The following CCDC90B variants were observed in gnomAD, a reference collection of about 807,000 sequenced individuals.
CCDC90B encodes coiled-coil domain containing 90B.
In CCDC90B, 24 loss-of-function variants were observed where a neutral mutation model predicts 37.0. That is an observed-to-expected ratio of 0.65 (90% CI 0.47 to 0.91). CCDC90B has a LOEUF of 0.91. CCDC90B is among the 40% of genes least tolerant of loss of function. CCDC90B has a pLI of 0.00. For synonymous variants in CCDC90B, 113 were observed against 101.1 expected, an observed-to-expected ratio of 1.12 and a Z score of -0.71; for missense variants, 319 against 299.0, an observed-to-expected ratio of 1.07 and a Z score of -0.49.
In CCDC90B at chr11:83,286,170, C is replaced by G. The variant is rs1452160697; in HGVS notation, c.-198G>C. ...CACAGACAGACCCACAGTTCGCGAG[C>G]ATGGCTCAGCGCTGCCCCGCTTCTC... On this transcript the variant is annotated 5_prime_UTR_variant, in exon 1 of 9. The change abolishes an upstream ATG in the 5' untranslated region. Transcript: ENST00000529689. 6.5e-7 allele frequency: 1 copy of G among 1,536,090 alleles called. No homozygotes were observed. The highest frequency in any genetic ancestry group is 8.7e-7 in the Non-Finnish European group (1 of 1,146,862).
chr11:83,265,871 G>A lies in CCDC90B; in HGVS notation c.703C>T (p.Leu235Phe). The change falls in exon 8 of 9, where the codon CTT (leucine) becomes TTT (phenylalanine). Residue 235 changes from leucine (L) to phenylalanine (F), a missense_variant. Coordinates refer to ENST00000529689, the MANE Select transcript of CCDC90B (RefSeq NM_021825.5). ...CTTTCTCTGACAGTCTTACCTGCAA[G>A]ATAACGAATTGTCTCAAGTTTGTTA... ...ESNKLETIRY[L>F]AASVFTCLAI... The A allele has an allele frequency of 6.3e-7, 1 of 1,596,738 alleles. No homozygotes were observed. The highest frequency in any genetic ancestry group is 8.6e-7 in the Non-Finnish European group (1 of 1,167,070).
chr11:83,271,201 G>C (rs879433167), intron 7 of CCDC90B, among the ~76,000 whole-genome samples: 2 of 152,126 alleles, frequency 1.3e-5, no homozygotes, highest in African/African-American at 2.4e-5. Context: ...TTCCATTCAG[G>C]ACATAGGCAT....
Position 83,261,983 on chromosome 11 carries a change from CTG to C in CCDC90B, c.710-19_710-18del, listed in dbSNP as rs776809602. On this transcript the variant is annotated intron_variant, in intron 8 of 8. Coordinates refer to ENST00000529689, the MANE Select transcript of CCDC90B (RefSeq NM_021825.5). ...ACACCGAAGCTGTGAAAAGAAGAAA[CTG>C]TGTTATAGGTCTTGTATCTGTAATT... is the stretch of plus-strand genomic sequence containing the variant. 4 of 1,554,518 alleles carry C rather than the reference CTG, an allele frequency of 2.6e-6. No individual in the cohort carries two copies. The highest frequency in any genetic ancestry group is 3.5e-6 in the Non-Finnish European group (4 of 1,132,926).
At chr11:83,273,743 A>C in intron 6 of CCDC90B, 43 bp from the exon 7 acceptor site, 1 of 1,601,480 alleles carries the variant, frequency 6.2e-7, no homozygotes, top group Non-Finnish European at 8.5e-7. Flanking sequence ...AAAAGTCTAA[A>C]AATAAAAAAG....
chr11:83,286,141 T>C lies in CCDC90B; in HGVS notation c.-169A>G. 3 of 1,536,218 alleles carry C rather than the reference T, an allele frequency of 2.0e-6. No individual in the cohort carries two copies. The highest frequency in any genetic ancestry group is 2.6e-6 in the Non-Finnish European group (3 of 1,146,914). ...CACCGTGGTCCCACGAAACTGGGTC[T>C]CTTCACAGACAGACCCACAGTTCGC... On this transcript the variant is annotated 5_prime_UTR_variant, in exon 1 of 9. Coordinates refer to ENST00000529689, the MANE Select transcript of CCDC90B (RefSeq NM_021825.5).
At chr11:83,278,862 T>A (rs1259472679) in intron 2 of CCDC90B, 33 bp from the exon 3 acceptor site, 2 of 1,252,578 alleles carry the variant, frequency 1.6e-6, no homozygotes, top group Non-Finnish European at 1.2e-6. Context: ...TTATTTTTTT[T>A]AAAGTGTATA....
At chr11:83,276,719 A>C (rs1271648409) in intron 3 of CCDC90B, among the ~76,000 whole-genome samples, 1 of 152,130 alleles carries the variant, frequency 6.6e-6, no homozygotes, top group Non-Finnish European at 1.5e-5. Context: ...AGCCTACAAA[A>C]CTGCACAGGT....
At position 83,274,638 on chromosome 11, in the gene CCDC90B, C is replaced by T; in HGVS notation, c.426+1G>A. On this transcript the variant is annotated splice_donor_variant, in intron 4 of 8. Transcript: ENST00000529689. LOFTEE classifies it high-confidence loss of function. ...AAGTAATAAATTAAAATTTGTATCA[C>T]CTCATTCTCTGCTCTCAGATTTGCA... The T allele has an allele frequency of 6.3e-7, 1 of 1,579,966 alleles. No individual in the cohort carries two copies. The highest frequency in any genetic ancestry group is 8.7e-7 in the Non-Finnish European group (1 of 1,155,158).
chr11:83,286,094 G>T lies in CCDC90B; in HGVS notation c.-122C>A, dbSNP rs761021897. On this transcript the variant is annotated 5_prime_UTR_variant, in exon 1 of 9. Coordinates refer to ENST00000529689, the MANE Select transcript of CCDC90B (RefSeq NM_021825.5). ...AATTGTAGTTTTCGCTCTGTCACAA[G>T]CTCACCTCCCAGCGCAGGCGCCACC... 1 of 1,537,282 alleles carries T rather than the reference G, an allele frequency of 6.5e-7. No homozygotes were observed.
At chr11:83,268,828 C>T (rs1758389497) in intron 7 of CCDC90B, among the ~76,000 whole-genome samples, 1 of 152,212 alleles carries the variant, frequency 6.6e-6, no homozygotes, top group Admixed American at 6.5e-5. Flanking sequence ...CCACATCACA[C>T]TTATTCTAAA....
In CCDC90B at chr11:83,280,102, A is replaced by G. The variant is rs745332815; in HGVS notation, c.220+39T>C. 2.0e-5 allele frequency: 32 copies of G among 1,599,222 alleles called. 1 individual carries two copies. The highest frequency in any genetic ancestry group is 2.6e-5 in the Non-Finnish European group (31 of 1,175,188). ...GTCTTAACTAGGCATTATGAGTGCTATTAATTTTCTTCTTTCAGGAGGTAT... is the reference window on the plus strand; with the variant it reads ...GTCTTAACTAGGCATTATGAGTGCTGTTAATTTTCTTCTTTCAGGAGGTAT... On this transcript the variant is annotated intron_variant, in intron 2 of 8. Transcript: ENST00000529689.
chr11:83,269,518 A>G (rs931469295), intron 7 of CCDC90B, among the ~76,000 whole-genome samples: 1 of 152,240 alleles, frequency 6.6e-6, no homozygotes, highest in African/African-American at 2.4e-5. Context: ...ATCAGAGAAT[A>G]CTATAAACAC....
chr11:83,284,740 ACTTATGGTCATTTATTT>A (rs1242144859), intron 1 of CCDC90B, among the ~76,000 whole-genome samples: 6 of 152,240 alleles, frequency 3.9e-5, no homozygotes, highest in Non-Finnish European at 7.3e-5. Flanking sequence ...ATTAACATGT[ACTTATGGTCATTTATTT>A]CCCAGTATGA....
chr11:83,276,910 C>T (rs1483033844), intron 3 of CCDC90B, among the ~76,000 whole-genome samples: 1 of 152,022 alleles, frequency 6.6e-6, no homozygotes, highest in Non-Finnish European at 1.5e-5. Context: ...CCCCCTCATC[C>T]TGCTAGCTGA....
At chr11:83,270,511 C>A (rs944476430) in intron 7 of CCDC90B, among the ~76,000 whole-genome samples, 3 of 152,128 alleles carry the variant, frequency 2.0e-5, no homozygotes, top group Admixed American at 2.0e-4. Flanking sequence ...CATTAACAGA[C>A]AAACAGAGTC....
rs143960228 is a variant in CCDC90B, at chr11:83,259,661, T to C, written c.*2250A>G. ...TTGCTGATAAAACTATTGGAGAAGT[T>C]TTTTTTTAGGAGACAGGGTCTCATG... On this transcript the variant is annotated 3_prime_UTR_variant, in exon 9 of 9. Coordinates refer to ENST00000529689, the MANE Select transcript of CCDC90B (RefSeq NM_021825.5). 1 of 151,938 alleles carries C rather than the reference T, an allele frequency of 6.6e-6. No individual in the cohort carries two copies. The highest frequency in any genetic ancestry group is 1.5e-5 in the Non-Finnish European group (1 of 68,000). 9.4% of individuals were successfully genotyped at this position (151,938 alleles called of 1,614,324 possible). A position where few individuals can be genotyped will look rare whatever the true frequency, so the allele number is the denominator to read the frequency against.
rs775397348 is a variant in CCDC90B at position 83,265,962 on chromosome 11, A to G, written c.612T>C (p.Ser204=). The G allele has an allele frequency of 1.9e-6, 3 of 1,605,652 alleles. No individual in the cohort carries two copies. Among genetic ancestry groups the G allele is most frequent in the East Asian group, 4.5e-5 (2 of 44,768 alleles). The change falls in exon 8 of 9, where the codon AGT becomes AGC. Residue 204 remains serine, a synonymous_variant. Coordinates refer to ENST00000529689, the MANE Select transcript of CCDC90B (RefSeq NM_021825.5). Reference sequence around the variant, plus strand: ...TTTTATTACTGGTCTCTGAAATAATACTTTTGGTTTGAGTATCCTGTGGTA... The same window carrying G: ...TTTTATTACTGGTCTCTGAAATAATGCTTTTGGTTTGAGTATCCTGTGGTA... ...EFTKKDTQTK[S]IISETSNKID...
intron 7 of CCDC90B, among the ~76,000 whole-genome samples, chr11:83,271,279 C>T (rs1864643424): frequency 6.6e-6 from 1 of 152,166 alleles, no homozygotes; most frequent in South Asian, 2.1e-4. Context: ...CAAATGAGAT[C>T]TAATTAAACT....
chr11:83,275,043 T>C (rs1591050658), intron 3 of CCDC90B, among the ~76,000 whole-genome samples: 1 of 152,178 alleles, frequency 6.6e-6, no homozygotes, highest in East Asian at 1.9e-4. Context: ...TTTGTTCTTA[T>C]TTTTTGAATA....
Sources: allele counts gnomAD v4.1 joint callset (sites outside exome capture counted in the v4.1 genomes callset), GRCh38; gene constraint gnomAD v4.1.1; transcripts MANE v1.5; gene names NCBI Gene and HGNC (gene_info 2026-07-23, HGNC 2026-07-21).